Variants in TMPRSS11D observed in about 807,000 individuals in gnomAD.
TMPRSS11D encodes transmembrane protease serine 11D.
A neutral mutation model predicts 44.4 loss-of-function variants in TMPRSS11D; 32 were observed. The ratio of observed to expected loss-of-function variants is 0.72; its 90% confidence interval spans 0.54 to 0.97. The LOEUF (loss-of-function observed/expected upper bound fraction) is 0.97, where lower values mean the gene tolerates loss of function less well. Ranked by LOEUF, TMPRSS11D falls within the 50% of genes least tolerant of loss-of-function variation. TMPRSS11D has a pLI of 0.00. For synonymous variants in TMPRSS11D, 179 were observed against 177.9 expected (o/e 1.01, Z -0.05); for missense variants, 446 against 502.6 (o/e 0.89, Z 1.08).
At chr4:67,870,048 C>T (rs1719020598) in intron 1 of TMPRSS11D, among the ~76,000 whole-genome samples, 2 of 152,170 alleles carry the variant, frequency 1.3e-5, no homozygotes, top group African/African-American at 4.8e-5. Flanking sequence ...ACACTGATCA[C>T]CCACTAAGGA....
At chr4:67,862,098 C>T (rs1174598883) in intron 1 of TMPRSS11D, among the ~76,000 whole-genome samples, 1 of 151,916 alleles carries the variant, frequency 6.6e-6, no homozygotes. Context: ...ACCCATTTAC[C>T]CAGTTTCCCT....
At chr4:67,845,519 G>A (rs1718337384) in intron 3 of TMPRSS11D, among the ~76,000 whole-genome samples, 1 of 152,094 alleles carries the variant, frequency 6.6e-6, no homozygotes, top group African/African-American at 2.4e-5. Flanking sequence ...GTTGACTACT[G>A]CAAATCATAG....
At chr4:67,830,542 C>G (rs556324219) in intron 7 of TMPRSS11D, among the ~76,000 whole-genome samples, 3 of 152,096 alleles carry the variant, frequency 2.0e-5, no homozygotes, top group Admixed American at 1.3e-4. Context: ...TTATAAGACA[C>G]AGTAGTTTGT....
At chr4:67,836,683 A>C (rs1158999921) in intron 5 of TMPRSS11D, among the ~76,000 whole-genome samples, 2 of 152,182 alleles carry the variant, frequency 1.3e-5, no homozygotes, top group Non-Finnish European at 2.9e-5. Context: ...GTAAGGATTA[A>C]TCAAGAAAAA....
intron 3 of TMPRSS11D, among the ~76,000 whole-genome samples, chr4:67,850,819 G>A (rs562665353): frequency 1.3e-5 from 2 of 152,282 alleles, no homozygotes; most frequent in East Asian, 3.9e-4. Flanking sequence ...CACAATGCCT[G>A]ACATTTTTAG....
intron 6 of TMPRSS11D, among the ~76,000 whole-genome samples, chr4:67,834,530 G>GT (rs11455895): frequency 0.19 from 28,814 of 152,060 alleles, 3,079 homozygotes; most frequent in African/African-American, 0.28. Context: ...GGTCAGAGAA[G>GT]TAAGTTGCTG....
intron 7 of TMPRSS11D, among the ~76,000 whole-genome samples, chr4:67,831,131 G>T (rs1036571083): frequency 3.3e-5 from 5 of 152,058 alleles, no homozygotes; most frequent in Admixed American, 1.3e-4. Flanking sequence ...CTGACAAGAG[G>T]TAAGTCAAAT....
chr4:67,829,596 G>A (rs1376504479), intron 7 of TMPRSS11D, among the ~76,000 whole-genome samples: 1 of 151,900 alleles, frequency 6.6e-6, no homozygotes, highest in East Asian at 1.9e-4. Flanking sequence ...GATGGATGAG[G>A]AACCATGGGA....
intron 1 of TMPRSS11D, among the ~76,000 whole-genome samples, chr4:67,862,808 C>T (rs1215994616): frequency 2.0e-5 from 3 of 151,062 alleles, no homozygotes; most frequent in Admixed American, 1.3e-4. Context: ...ATCGCAAGGA[C>T]AAAAAACCAA....
intron 9 of TMPRSS11D, among the ~76,000 whole-genome samples, chr4:67,824,137 GTTTT>G (rs5859106): frequency 4.0e-4 from 58 of 143,808 alleles, no homozygotes; most frequent in African/African-American, 1.4e-3. Flanking sequence ...AAAGTGCTGT[GTTTT>G]TTTTTTTTTT....
intron 6 of TMPRSS11D, among the ~76,000 whole-genome samples, chr4:67,834,177 C>A (rs534627276): frequency 1.5e-4 from 23 of 152,132 alleles, no homozygotes; most frequent in South Asian, 4.1e-4. Flanking sequence ...TGGTCTATTA[C>A]TAAGAAATTA....
intron 7 of TMPRSS11D, among the ~76,000 whole-genome samples, chr4:67,828,284 G>A (rs1994336): frequency 0.81 from 122,898 of 151,992 alleles, 50,338 homozygotes; most frequent in Middle Eastern, 0.91. Context: ...GCAAAAAAAC[G>A]TCAAATTTAT....
intron 2 of TMPRSS11D, among the ~76,000 whole-genome samples, chr4:67,858,095 A>G (rs1718699298): frequency 6.6e-6 from 1 of 152,222 alleles, no homozygotes; most frequent in Non-Finnish European, 1.5e-5. Flanking sequence ...ATATCTGTAC[A>G]CAACTCAGAA....
chr4:67,854,958 TA>T (rs978085721), intron 2 of TMPRSS11D, among the ~76,000 whole-genome samples: 2 of 150,548 alleles, frequency 1.3e-5, no homozygotes, highest in East Asian at 2.0e-4. Context: ...AAGGACACAA[TA>T]AAAAAAAATA....
chr4:67,840,552 A>G (rs1036951573), intron 4 of TMPRSS11D, among the ~76,000 whole-genome samples: 1 of 152,216 alleles, frequency 6.6e-6, no homozygotes, highest in East Asian at 1.9e-4. Context: ...GGAATCATAA[A>G]AATGAGATTA....
intron 4 of TMPRSS11D, among the ~76,000 whole-genome samples, chr4:67,841,999 C>G (rs2196966): frequency 0.69 from 105,359 of 152,130 alleles, 39,695 homozygotes; most frequent in Middle Eastern, 0.83. Context: ...GTTGGAAAGG[C>G]TGGTTTTATC....
At chr4:67,872,231 A>T (rs1055774693) in intron 1 of TMPRSS11D, among the ~76,000 whole-genome samples, 1 of 151,922 alleles carries the variant, frequency 6.6e-6, no homozygotes, top group Non-Finnish European at 1.5e-5. Context: ...CCAAAATAAA[A>T]TTTTTCCCTG....
At chr4:67,827,236 T>TA (rs750236020) in intron 8 of TMPRSS11D, 25 bp downstream of exon 8, 1 of 1,567,644 alleles carries the variant, frequency 6.4e-7, no homozygotes, top group African/African-American at 1.4e-5. Flanking sequence ...TTTCTATTGT[T>TA]AATTTTTTTT....
intron 1 of TMPRSS11D, among the ~76,000 whole-genome samples, chr4:67,879,034 A>G (rs922525001): frequency 1.3e-5 from 2 of 152,200 alleles, no homozygotes; most frequent in Non-Finnish European, 2.9e-5. Context: ...TGATATTAAA[A>G]GTTGCTTTGA....
Sources: gnomAD v4.1 joint callset for allele counts (sites outside exome capture counted in the v4.1 genomes callset) on GRCh38, gnomAD v4.1.1 for gene constraint, MANE v1.5 for transcripts, NCBI Gene and HGNC (gene_info 2026-07-23, HGNC 2026-07-21) for gene names.